The following MIA3 variants were observed in gnomAD, a reference collection of about 807,000 sequenced individuals.
MIA3 encodes the protein transport and Golgi organization protein 1 homolog.
A neutral mutation model predicts 192.4 loss-of-function variants in MIA3; 90 were observed. That is an observed-to-expected ratio of 0.47 (90% CI 0.39 to 0.56). The LOEUF is 0.56. MIA3 is among the 20% of genes least tolerant of loss of function. The pLI, the probability that MIA3 is intolerant of heterozygous loss-of-function variation, is 0.00. For synonymous variants in MIA3, 740 were observed against 792.8 expected, an observed-to-expected ratio of 0.93 and a Z score of 1.12; for missense variants, 2,123 against 2,269.4, an observed-to-expected ratio of 0.94 and a Z score of 1.31.
At position 222,654,644 on chromosome 1, in the gene MIA3, A is replaced by T; in HGVS notation, c.4469-11A>T. On this transcript the variant is annotated splice_polypyrimidine_tract_variant and intron_variant, in intron 17 of 27. Transcript: ENST00000344922. The stretch of plus-strand genomic sequence containing the variant: ...CACACATATGGAACTCAAATGTTTT[A>T]TCCTTTACAGACCAGGTAAAGAAAT... 6.2e-7 allele frequency: 1 copy of T among 1,613,580 alleles called. No individual in the cohort carries two copies. The highest frequency in any genetic ancestry group is 8.5e-7 in the Non-Finnish European group (1 of 1,179,774).
Position 222,650,862 on chromosome 1 carries a change from C to T in MIA3, c.3868C>T (p.Leu1290=). 1 of 1,609,368 alleles carries T rather than the reference C, an allele frequency of 6.2e-7. No individual in the cohort carries two copies. The highest frequency in any genetic ancestry group is 1.1e-5 in the South Asian group (1 of 89,858). The change falls in exon 11 of 28, where the codon CTA becomes TTA. Residue 1290 remains leucine, a synonymous_variant. Coordinates refer to ENST00000344922, the MANE Select transcript of MIA3 (RefSeq NM_198551.4). ...DDTAKNLRVM[L]ESEREQNVKN... ...CACAGCTAAAAATCTTCGTGTTATG[C>T]TAGAATCTGAGAGAGAACAGAATGT...
Position 222,664,139 on chromosome 1 carries a change from C to G in MIA3, c.5404C>G (p.Pro1802Ala). Residue 1802 changes from proline (P) to alanine (A), a missense_variant, in exon 27 of 28, where the codon CCA (proline) becomes GCA (alanine). This residue lies in a region of MIA3 where 762 missense variants were observed against 856.4 expected (regional missense o/e 0.89). Transcript: ENST00000344922. ...ACCTTTTGGGCCTCGGCCACTTCCT[C>G]CACCCTTTGGTAAGATGATCTGAAC... ...CGPFGPRPLP[P>A]PFGPGMRPPL... The G allele has an allele frequency of 1.2e-6, 2 of 1,614,140 alleles. No homozygotes were observed. The highest frequency in any genetic ancestry group is 1.7e-6 in the Non-Finnish European group (2 of 1,179,990).
chr1:222,654,638 T>C lies in MIA3; in HGVS notation c.4469-17T>C. 1.2e-6 allele frequency: 2 copies of C among 1,612,058 alleles called. No individual in the cohort carries two copies. The highest frequency in any genetic ancestry group is 1.7e-6 in the Non-Finnish European group (2 of 1,179,166). On this transcript the variant is annotated splice_polypyrimidine_tract_variant and intron_variant, in intron 17 of 27. Transcript: ENST00000344922. Reference sequence around the variant, plus strand: ...CTTGTGCACACATATGGAACTCAAATGTTTTATCCTTTACAGACCAGGTAA... The same window carrying C: ...CTTGTGCACACATATGGAACTCAAACGTTTTATCCTTTACAGACCAGGTAA...
At chr1:222,625,971 T>C (rs1172688576) in intron 3 of MIA3, among the ~76,000 whole-genome samples, 2 of 152,158 alleles carry the variant, frequency 1.3e-5, no homozygotes, top group Non-Finnish European at 2.9e-5. Flanking sequence ...ACTCCTGACC[T>C]CAAGTGATCC....
intron 6 of MIA3, among the ~76,000 whole-genome samples, chr1:222,639,628 G>C (rs1164877831): frequency 6.6e-6 from 1 of 151,790 alleles, no homozygotes; most frequent in Non-Finnish European, 1.5e-5. Context: ...ACTTTAAAAA[G>C]ACAATCCATA....
intron 6 of MIA3, among the ~76,000 whole-genome samples, chr1:222,635,263 A>C (rs891303536): frequency 3.9e-4 from 60 of 152,236 alleles, no homozygotes; most frequent in African/African-American, 1.4e-3. Flanking sequence ...AAAATTTAAC[A>C]GCCCCAGTTG....
In MIA3 at chr1:222,653,021, T is replaced by G. The variant is rs776475579; in HGVS notation, c.4100T>G (p.Ile1367Ser). Residue 1367 changes from isoleucine (I) to serine (S), a missense_variant, in exon 14 of 28, where the codon ATC (isoleucine) becomes AGC (serine). Around this residue, in one of 3 missense-constraint regions of MIA3, gnomAD observed 762 missense variants for 856.4 expected, o/e 0.89. Coordinates refer to ENST00000344922, the MANE Select transcript of MIA3 (RefSeq NM_198551.4). Reference sequence around the variant, plus strand: ...TTAACTTTGCAGTTGCAGCAGGAAATCGAAGACTGGAGTAAATTACATGCT... The same window carrying G: ...TTAACTTTGCAGTTGCAGCAGGAAAGCGAAGACTGGAGTAAATTACATGCT... ...KKKKEQLQQE[I>S]EDWSKLHAEL... The G allele has an allele frequency of 2.0e-5, 32 of 1,611,008 alleles. 1 individual carries two copies. The highest frequency in any genetic ancestry group is 3.3e-4 in the Middle Eastern group (2 of 6,072).
At chr1:222,657,203 T>C (rs986919544) in intron 18 of MIA3, among the ~76,000 whole-genome samples, 1 of 152,244 alleles carries the variant, frequency 6.6e-6, no homozygotes, top group Admixed American at 6.5e-5. Context: ...ATTAAAATCA[T>C]TCAAAAATGG....
chr1:222,628,173 A>T lies in MIA3; in HGVS notation c.953A>T (p.Asp318Val). 4.3e-6 allele frequency: 7 copies of T among 1,614,084 alleles called. No homozygotes were observed. The highest frequency in any genetic ancestry group is 5.9e-6 in the Non-Finnish European group (7 of 1,180,036). ...GAGTATTATGCAGTTGGAAAGGAAGATGAGGAGAACCAAGAAGACTTTGAT... is the reference window on the plus strand; with the variant it reads ...GAGTATTATGCAGTTGGAAAGGAAGTTGAGGAGAACCAAGAAGACTTTGAT... The part of the protein sequence containing the change: ...DTEYYAVGKE[D>V]EENQEDFDEL... The change falls in exon 4 of 28, where the codon GAT becomes GTT. Residue 318 changes from aspartate (D) to valine (V), a missense_variant. This residue lies in a region of MIA3 where 1,357 missense variants were observed against 1,396.1 expected (regional missense o/e 0.97). Coordinates refer to ENST00000344922, the MANE Select transcript of MIA3 (RefSeq NM_198551.4).
chr1:222,639,552 G>C (rs1240136799), intron 6 of MIA3, among the ~76,000 whole-genome samples: 1 of 151,868 alleles, frequency 6.6e-6, no homozygotes, highest in African/African-American at 2.4e-5. Context: ...GACCAAATAG[G>C]GTTAACATCA....
chr1:222,664,957 C>T (rs752841237), intron 27 of MIA3: 7 of 463,056 alleles, frequency 1.5e-5, no homozygotes, highest in South Asian at 5.0e-5. Flanking sequence ...ATTCATTAGA[C>T]GAGGCTGAGG....
intron 2 of MIA3, among the ~76,000 whole-genome samples, chr1:222,622,742 T>C (rs896661118): frequency 2.0e-5 from 3 of 152,258 alleles, no homozygotes; most frequent in African/African-American, 7.2e-5. Context: ...AGTTTTTTTT[T>C]CCACTCCTCA....
chr1:222,648,213 C>T (rs1663246348), intron 7 of MIA3, among the ~76,000 whole-genome samples: 1 of 152,174 alleles, frequency 6.6e-6, no homozygotes, highest in South Asian at 2.1e-4. Context: ...GTAGTCTTCT[C>T]TTCCCTGTCA....
chr1:222,627,530 T>C, intron 3 of MIA3, 45 bp from the exon 4 acceptor site: 3 of 1,447,336 alleles, frequency 2.1e-6, no homozygotes, highest in Non-Finnish European at 2.8e-6. Context: ...TTTGCTCTGG[T>C]GACACTTGGC....
intron 18 of MIA3, among the ~76,000 whole-genome samples, chr1:222,657,314 G>C (rs1663784465): frequency 6.6e-6 from 1 of 152,150 alleles, no homozygotes; most frequent in African/African-American, 2.4e-5. Flanking sequence ...TTTACTAGGG[G>C]TCCTTCTCAT....
intron 18 of MIA3, among the ~76,000 whole-genome samples, chr1:222,655,537 CT>C (rs1224275891): frequency 1.3e-5 from 2 of 152,118 alleles, no homozygotes; most frequent in East Asian, 3.9e-4. Flanking sequence ...GCAAATTTAA[CT>C]TTTTTAAATG....
intron 5 of MIA3, among the ~76,000 whole-genome samples, chr1:222,632,879 G>A (rs1662463518): frequency 6.6e-6 from 1 of 152,162 alleles, no homozygotes; most frequent in South Asian, 2.1e-4. Flanking sequence ...TATGTTTATA[G>A]CATAAGCTCA....
chr1:222,648,886 C>T lies in MIA3; in HGVS notation c.3631+36C>T, dbSNP rs765580547. ...AGGCTTTTTTGTTATTTGTACTAGT[C>T]CCTCTGTATTGGTGTTTGATATGGA... On this transcript the variant is annotated intron_variant, in intron 8 of 27. Transcript: ENST00000344922. 5.3e-6 allele frequency: 7 copies of T among 1,320,314 alleles called. No homozygotes were observed. In the Admixed American group the frequency reaches 7.2e-5, roughly 14 times the overall value. 81.8% of individuals were successfully genotyped at this position (1,320,314 alleles called of 1,614,324 possible).
Position 222,662,233 on chromosome 1 carries a change from A to G in MIA3, c.5183-20A>G. The stretch of plus-strand genomic sequence containing the variant: ...ACACAAGTCAGAATAAGTCTACATC[A>G]GTTCTCTGGTCTTTAACAGATCCAG... On this transcript the variant is annotated intron_variant, in intron 25 of 27. Transcript: ENST00000344922. 6.2e-7 allele frequency: 1 copy of G among 1,609,916 alleles called. No homozygotes were observed. Among genetic ancestry groups the G allele is most frequent in the South Asian group, 1.1e-5 (1 of 90,988 alleles).
Sources: gnomAD v4.1 joint callset for allele counts (sites outside exome capture counted in the v4.1 genomes callset) on GRCh38, gnomAD v4.1.1 for gene constraint, gnomAD v4.1.1 regional missense constraint, MANE v1.5 for transcripts, NCBI Gene and HGNC (gene_info 2026-07-23, HGNC 2026-07-21) for gene names.